Variants in MAGI2 observed in about 807,000 individuals in gnomAD.
MAGI2 encodes the protein membrane-associated guanylate kinase, WW and PDZ domain-containing protein 2.
In MAGI2, 35 loss-of-function variants were observed where a neutral mutation model predicts 133.3. The ratio of observed to expected loss-of-function variants is 0.26; its 90% CI spans 0.20 to 0.35. MAGI2 has a LOEUF of 0.35. Among genes scored for constraint, MAGI2 ranks in the 10% least tolerant of loss-of-function variants. MAGI2 has a pLI of 1.00. For synonymous variants in MAGI2, 729 were observed against 710.6 expected (o/e 1.03, Z -0.41); for missense variants, 1,636 against 1,863.4 (o/e 0.88, Z 2.25).
chr7:78,038,315 A>G (rs886627962), intron 21 of MAGI2, among the ~76,000 whole-genome samples: 7 of 152,170 alleles, frequency 4.6e-5, no homozygotes, highest in African/African-American at 1.7e-4. Context: ...TCAGATGAAT[A>G]TGGCGTATGT....
chr7:78,712,482 C>G (rs1485043016), intron 2 of MAGI2, among the ~76,000 whole-genome samples: 1 of 152,158 alleles, frequency 6.6e-6, no homozygotes, highest in African/African-American at 2.4e-5. Context: ...GCGTTGATTC[C>G]CAGTGCAAGC....
At chr7:78,113,948 A>T (rs1819610412) in intron 20 of MAGI2, among the ~76,000 whole-genome samples, 1 of 152,244 alleles carries the variant, frequency 6.6e-6, no homozygotes, top group South Asian at 2.1e-4. Flanking sequence ...ACAAGCTATC[A>T]TTCCACTAAT....
intron 1 of MAGI2, among the ~76,000 whole-genome samples, chr7:79,042,998 C>T (rs1214118818): frequency 6.6e-6 from 1 of 152,012 alleles, no homozygotes; most frequent in Non-Finnish European, 1.5e-5. Flanking sequence ...TAAATGGTGA[C>T]ATTAAGTCAG....
At chr7:78,965,706 TC>T (rs1242056694) in intron 2 of MAGI2, among the ~76,000 whole-genome samples, 1 of 152,050 alleles carries the variant, frequency 6.6e-6, no homozygotes, top group Non-Finnish European at 1.5e-5. Context: ...AGAAATCAAA[TC>T]CTAGGTATCA....
At chr7:78,921,005 G>A (rs544606923) in intron 2 of MAGI2, among the ~76,000 whole-genome samples, 13 of 152,050 alleles carry the variant, frequency 8.5e-5, no homozygotes, top group Admixed American at 2.0e-4. Context: ...CCTGATTTCC[G>A]TCAGGAATAC....
intron 16 of MAGI2, among the ~76,000 whole-genome samples, chr7:78,141,956 A>C (rs1405861499): frequency 6.6e-6 from 1 of 152,236 alleles, no homozygotes; most frequent in African/African-American, 2.4e-5. Context: ...AATTGTTAAA[A>C]ATTTGCATAG....
intron 6 of MAGI2, among the ~76,000 whole-genome samples, chr7:78,431,573 G>T (rs1055948737): frequency 1.3e-5 from 2 of 152,066 alleles, no homozygotes; most frequent in African/African-American, 2.4e-5. Context: ...TCAGTCAAAA[G>T]CAAGAGAAAC....
At chr7:78,414,244 G>A (rs1430181786) in intron 6 of MAGI2, among the ~76,000 whole-genome samples, 1 of 151,954 alleles carries the variant, frequency 6.6e-6, no homozygotes, top group Non-Finnish European at 1.5e-5. Context: ...GAATGACATT[G>A]CACGAAATAT....
At chr7:78,715,968 T>A (rs547263155) in intron 2 of MAGI2, among the ~76,000 whole-genome samples, 301 of 152,248 alleles carry the variant, frequency 2.0e-3, no homozygotes, top group African/African-American at 7.0e-3. Context: ...AGTTAGAAAA[T>A]GGAGATTCAA....
intron 1 of MAGI2, among the ~76,000 whole-genome samples, chr7:79,160,950 A>C (rs1322697520): frequency 1.3e-5 from 2 of 152,038 alleles, no homozygotes; most frequent in African/African-American, 4.8e-5. Context: ...GCTGTCTCTC[A>C]TAGGTCTTAC....
At chr7:78,628,965 T>C (rs938429570) in intron 2 of MAGI2, among the ~76,000 whole-genome samples, 1 of 151,958 alleles carries the variant, frequency 6.6e-6, no homozygotes, top group African/African-American at 2.4e-5. Flanking sequence ...TCAATTTTCC[T>C]TACTAATTTA....
At chr7:78,553,094 T>TA (rs754149011) in intron 3 of MAGI2, among the ~76,000 whole-genome samples, 21,165 of 133,018 alleles carry the variant, frequency 0.16, 2,297 homozygotes, top group East Asian at 0.52. Context: ...AACTTTAAAT[T>TA]AAAAAAAAAA....
At chr7:78,687,969 T>TAAAAAAAAAAAAAAAAA (rs72030909) in intron 2 of MAGI2, among the ~76,000 whole-genome samples, 13 of 67,236 alleles carry the variant, frequency 1.9e-4, no homozygotes, top group East Asian at 6.2e-4. Context: ...GTCCTTGCCT[T>TAAAAAAAAAAAAAAAAA]AAAAAAAAAA....
intron 1 of MAGI2, among the ~76,000 whole-genome samples, chr7:79,095,759 A>G (rs189941832): frequency 1.3e-5 from 2 of 152,336 alleles, no homozygotes; most frequent in Admixed American, 1.3e-4. Context: ...AAGGTTACTG[A>G]TAATAGATCA....
chr7:78,789,688 A>T (rs37857), intron 2 of MAGI2, among the ~76,000 whole-genome samples: 146,297 of 152,316 alleles, frequency 0.96, 70,298 homozygotes, highest in East Asian at 1. Context: ...ATCATTTCCT[A>T]GTGTTACAAA....
chr7:78,145,804 A>G (rs1030465225), intron 16 of MAGI2, among the ~76,000 whole-genome samples: 9 of 152,150 alleles, frequency 5.9e-5, no homozygotes, highest in African/African-American at 2.2e-4. Flanking sequence ...CTGTATCCTC[A>G]TATGTTGGAG....
intron 1 of MAGI2, among the ~76,000 whole-genome samples, chr7:79,212,495 C>A (rs1829581457): frequency 6.6e-6 from 1 of 151,990 alleles, no homozygotes; most frequent in Non-Finnish European, 1.5e-5. Context: ...TCCTCAAACT[C>A]TTGCCAGTGC....
At chr7:78,160,341 C>G in intron 15 of MAGI2, 68 bp from the exon 16 acceptor site, 3 of 1,479,048 alleles carry the variant, frequency 2.0e-6, no homozygotes, top group Non-Finnish European at 2.7e-6. Flanking sequence ...TTCCTATGTA[C>G]TAGGCACTGT....
intron 21 of MAGI2, among the ~76,000 whole-genome samples, chr7:78,052,055 G>C (rs932452613): frequency 2.0e-5 from 3 of 151,996 alleles, no homozygotes; most frequent in Non-Finnish European, 4.4e-5. Flanking sequence ...ATATTTTGTG[G>C]AGATGGAGTT....
Sources: gnomAD v4.1 joint callset for allele counts (sites outside exome capture counted in the v4.1 genomes callset) on GRCh38, gnomAD v4.1.1 for gene constraint, MANE v1.5 for transcripts, NCBI Gene and HGNC (gene_info 2026-07-23, HGNC 2026-07-21) for gene names.